The following EYA4 variants were observed in gnomAD, a reference collection of about 807,000 sequenced individuals.
EYA4 encodes the protein protein phosphatase EYA4.
A neutral mutation model predicts 87.9 loss-of-function variants in EYA4; 31 were observed. That is an observed-to-expected ratio of 0.35 (90% CI 0.27 to 0.48). EYA4 has a LOEUF of 0.48. Ranked by LOEUF, EYA4 falls within the 20% of genes least tolerant of loss-of-function variation. The probability of loss-of-function intolerance (pLI) is 0.99; values close to 1 mark genes in which losing one functional copy is unlikely to be tolerated. For missense variants in EYA4, 678 were observed against 761.4 expected (o/e 0.89, Z 1.29); for synonymous variants, 263 against 270.6 (o/e 0.97, Z 0.28).
chr6:133,331,419 T>C lies in EYA4; in HGVS notation c.34-50973T>C, dbSNP rs1381453235. ...TGATGCCTAGTGAATCCCTGTGTCA[T>C]CATCAGCATTATTTAAAAGATGGCA... On this transcript the variant is annotated intron_variant, in intron 2 of 19. Transcript: ENST00000355286. Among the ~76,000 whole-genome samples, 3 of 152,172 alleles carry C rather than the reference T, an allele frequency of 2.0e-5. No homozygotes were observed. In the East Asian group the frequency reaches 5.8e-4, roughly 29 times the overall value.
At chr6:133,459,681 G>C (rs1399030027) in intron 6 of EYA4, among the ~76,000 whole-genome samples, 2 of 152,120 alleles carry the variant, frequency 1.3e-5, no homozygotes, top group Non-Finnish European at 2.9e-5. Context: ...CCATTGTGTA[G>C]TAGAACAAAG....
At chr6:133,424,544 C>CT (rs1450748431) in intron 3 of EYA4, among the ~76,000 whole-genome samples, 2 of 152,132 alleles carry the variant, frequency 1.3e-5, no homozygotes, top group African/African-American at 2.4e-5. Context: ...GGGGTCCTTC[C>CT]TGGGGGCACC....
intron 3 of EYA4, among the ~76,000 whole-genome samples, chr6:133,414,400 G>A (rs539375962): frequency 7.4e-4 from 112 of 152,236 alleles, no homozygotes; most frequent in African/African-American, 2.5e-3. Context: ...AAAGCTTGCC[G>A]TTATGATAGA....
rs192996066 is a variant in EYA4 at position 133,242,568 on chromosome 6, T to G, written c.-66+819T>G. ...GCAGTGGAACTTGAAATGGCTCGGA[T>G]TTTTAGCGTGGTGAAGCGAGGTTTG... On this transcript the variant is annotated intron_variant, in intron 1 of 19. Transcript: ENST00000355286. Among the ~76,000 whole-genome samples, 45 of 152,212 alleles carry G rather than the reference T, an allele frequency of 3.0e-4. 1 individual carries two copies. The highest frequency in any genetic ancestry group is 1.1e-3 in the African/African-American group (44 of 41,536).
intron 1 of EYA4, among the ~76,000 whole-genome samples, chr6:133,258,080 C>A (rs1775486435): frequency 6.6e-6 from 1 of 152,104 alleles, no homozygotes; most frequent in Admixed American, 6.6e-5. Flanking sequence ...GCTGGATTGT[C>A]CAAGTGTGGG....
At chr6:133,474,967 A>G (rs879914543) in intron 11 of EYA4, among the ~76,000 whole-genome samples, 3 of 152,130 alleles carry the variant, frequency 2.0e-5, no homozygotes, top group African/African-American at 7.2e-5. Flanking sequence ...AGATAAGCCT[A>G]ATGAAATAAA....
chr6:133,354,647 T>C (rs1309766297), intron 2 of EYA4, among the ~76,000 whole-genome samples: 3 of 152,218 alleles, frequency 2.0e-5, no homozygotes, highest in African/African-American at 7.2e-5. Flanking sequence ...ATTGCTTCTT[T>C]TTCTGTAAAA....
chr6:133,331,025 G>A (rs1323802919), intron 2 of EYA4, among the ~76,000 whole-genome samples: 1 of 126,158 alleles, frequency 7.9e-6, no homozygotes, highest in East Asian at 2.3e-4. Context: ...ATAACCAAAC[G>A]GGTTTTTTTT....
intron 3 of EYA4, among the ~76,000 whole-genome samples, chr6:133,442,377 A>G (rs371681658): frequency 5.9e-5 from 9 of 152,314 alleles, no homozygotes; most frequent in East Asian, 3.9e-4. Context: ...AACTGGAGCT[A>G]GACTATGATT....
chr6:133,308,420 A>G (rs1779970248), intron 2 of EYA4, among the ~76,000 whole-genome samples: 1 of 152,212 alleles, frequency 6.6e-6, no homozygotes, highest in Admixed American at 6.5e-5. Context: ...GATTTGGGGT[A>G]CATGTGTAAG....
At chr6:133,524,027 C>T (rs1255127785) in intron 18 of EYA4, among the ~76,000 whole-genome samples, 4 of 152,132 alleles carry the variant, frequency 2.6e-5, no homozygotes, top group Non-Finnish European at 5.9e-5. Flanking sequence ...AAGGAGCCTC[C>T]AGTGGCAGCT....
In EYA4 at chr6:133,274,748, AC is replaced by A; in HGVS notation, c.-32del. The A allele has an allele frequency of 6.2e-7, 1 of 1,601,720 alleles. No individual in the cohort carries two copies. The highest frequency in any genetic ancestry group is 8.6e-7 in the Non-Finnish European group (1 of 1,168,942). Reference sequence around the variant, plus strand: ...TTTTTACTTGAAGGAAGCTGCTTCTACTTGGGAGTGGCAGGAGAAGTGAGAA... The same window carrying A: ...TTTTTACTTGAAGGAAGCTGCTTCTATTGGGAGTGGCAGGAGAAGTGAGAA... On this transcript the variant is annotated 5_prime_UTR_variant, in exon 2 of 20. Coordinates refer to ENST00000355286, the MANE Select transcript of EYA4 (RefSeq NM_004100.5).
rs890246005 is a variant in EYA4, at chr6:133,525,201, G to T, written c.1786G>T (p.Val596Leu). The T allele has an allele frequency of 6.2e-7, 1 of 1,613,820 alleles. No homozygotes were observed. Among genetic ancestry groups the T allele is most frequent in the African/African-American group, 1.3e-5 (1 of 75,026 alleles). The change falls in exon 19 of 20, where the codon GTA (valine) becomes TTA (leucine). Residue 596 changes from valine to leucine, a missense_variant. Transcript: ENST00000355286. ...ERIMQRFGRK[V>L]VYVVIGDGVE... ...AATAATGCAAAGGTTTGGCAGAAAA[G>T]TAGTGTATGTTGTAATTGGGGATGG... is the stretch of plus-strand genomic sequence containing the variant.
intron 3 of EYA4, among the ~76,000 whole-genome samples, chr6:133,416,405 A>G (rs1789714949): frequency 6.6e-6 from 1 of 152,182 alleles, no homozygotes; most frequent in South Asian, 2.1e-4. Context: ...TGCCTCTTGC[A>G]CATTTTTTTT....
intron 2 of EYA4, among the ~76,000 whole-genome samples, chr6:133,289,226 T>G (rs1418688624): frequency 6.6e-6 from 1 of 152,170 alleles, no homozygotes; most frequent in Non-Finnish European, 1.5e-5. Context: ...TCTGGAAATT[T>G]AAGAGAACGT....
At chr6:133,360,865 A>G (rs1784399175) in intron 2 of EYA4, among the ~76,000 whole-genome samples, 1 of 152,212 alleles carries the variant, frequency 6.6e-6, no homozygotes, top group Non-Finnish European at 1.5e-5. Context: ...GAAATAGCAT[A>G]GAGATTGGGA....
At chr6:133,391,310 A>C (rs539855311) in intron 3 of EYA4, among the ~76,000 whole-genome samples, 5 of 148,058 alleles carry the variant, frequency 3.4e-5, no homozygotes, top group Admixed American at 6.8e-5. Flanking sequence ...GCTCACCACA[A>C]CCTCCACCTC....
chr6:133,446,342 GTAA>G (rs1263702592), intron 3 of EYA4, among the ~76,000 whole-genome samples: 3 of 151,940 alleles, frequency 2.0e-5, no homozygotes, highest in Admixed American at 1.3e-4. Context: ...TTTTGTGTTA[GTAA>G]TAACATGTTT....
chr6:133,309,363 T>C (rs1206615460), intron 2 of EYA4, among the ~76,000 whole-genome samples: 1 of 152,168 alleles, frequency 6.6e-6, no homozygotes, highest in Non-Finnish European at 1.5e-5. Context: ...AATGGTTATA[T>C]GGTGATCCAG....
Sources: gnomAD v4.1 joint callset for allele counts (sites outside exome capture counted in the v4.1 genomes callset) on GRCh38, gnomAD v4.1.1 for gene constraint, MANE v1.5 for transcripts, NCBI Gene and HGNC (gene_info 2026-07-23, HGNC 2026-07-21) for gene names.